Variants in ITPR2 observed in about 807,000 individuals in gnomAD.
ITPR2 encodes the protein inositol 1,4,5-trisphosphate-gated calcium channel ITPR2.
Under a neutral mutation model 317.1 loss-of-function variants are expected in ITPR2, and 207 were observed. The ratio of observed to expected loss-of-function variants is 0.65; its 90% CI spans 0.58 to 0.73. The LOEUF (loss-of-function observed/expected upper bound fraction) is 0.73, where lower values mean the gene tolerates loss of function less well. Among genes scored for constraint, ITPR2 ranks in the 30% least tolerant of loss-of-function variants. The pLI is 0.00. For synonymous variants in ITPR2, 1,156 were observed against 1,149.1 expected, an observed-to-expected ratio of 1.01 and a Z score of -0.12; for missense variants, 2,613 against 3,284.0, an observed-to-expected ratio of 0.80 and a Z score of 4.99.
At chr12:26,612,856 T>C (rs532208138) in intron 26 of ITPR2, among the ~76,000 whole-genome samples, 100 of 152,332 alleles carry the variant, frequency 6.6e-4, no homozygotes, top group African/African-American at 2.4e-3. Context: ...AATCGCTTAT[T>C]CTTGAACTTT....
At chr12:26,449,418 G>A (rs1363746126) in intron 45 of ITPR2, among the ~76,000 whole-genome samples, 1 of 152,154 alleles carries the variant, frequency 6.6e-6, no homozygotes, top group African/African-American at 2.4e-5. Context: ...CTCTGATTCT[G>A]TGACCCTGCA....
At chr12:26,598,130 T>C (rs912972893) in intron 30 of ITPR2, among the ~76,000 whole-genome samples, 2 of 152,200 alleles carry the variant, frequency 1.3e-5, no homozygotes, top group African/African-American at 4.8e-5. Context: ...TAACACAAAA[T>C]CCTTTAGTTC....
chr12:26,627,990 G>A, intron 23 of ITPR2, 43 bp downstream of exon 23: 1 of 1,527,652 alleles, frequency 6.5e-7, no homozygotes, highest in Non-Finnish European at 8.8e-7. Flanking sequence ...CAAGTTCTCA[G>A]AAAAATAAAA....
intron 32 of ITPR2, among the ~76,000 whole-genome samples, chr12:26,589,591 A>G (rs1202894086): frequency 6.6e-6 from 1 of 151,156 alleles, no homozygotes; most frequent in African/African-American, 2.4e-5. Context: ...GTTCGAGACC[A>G]GGGTGGCCAA....
chr12:26,669,726 G>T (rs547700373), intron 13 of ITPR2, among the ~76,000 whole-genome samples: 2 of 152,248 alleles, frequency 1.3e-5, no homozygotes, highest in Non-Finnish European at 2.9e-5. Flanking sequence ...CACCATGCGC[G>T]AGCCGAAGCA....
At chr12:26,812,286 A>C (rs1325617695) in intron 1 of ITPR2, among the ~76,000 whole-genome samples, 1 of 152,188 alleles carries the variant, frequency 6.6e-6, no homozygotes, top group Non-Finnish European at 1.5e-5. Context: ...TTTTAAAAAA[A>C]ACCTAATACG....
chr12:26,476,000 C>T lies in ITPR2; in HGVS notation c.6220-582G>A, dbSNP rs181300513. ...CAGAGGAACTAGTATTTTCAAAGGG[C>T]TATTGCACAGTGCCATTGTTGAATA... On this transcript the variant is annotated intron_variant, in intron 44 of 56. Transcript: ENST00000381340. Among the ~76,000 whole-genome samples the T allele has an allele frequency of 2.7e-3, 418 of 152,308 alleles. 1 individual carries two copies. The highest frequency in any genetic ancestry group is 3.7e-3 in the Non-Finnish European group (249 of 68,016).
intron 26 of ITPR2, among the ~76,000 whole-genome samples, chr12:26,607,329 A>G (rs1591955774): frequency 6.6e-6 from 1 of 152,186 alleles, no homozygotes; most frequent in African/African-American, 2.4e-5. Flanking sequence ...AATTTTAATA[A>G]CCGGTCTTTT....
At chr12:26,730,847 G>A (rs766647002) in intron 2 of ITPR2, among the ~76,000 whole-genome samples, 7 of 152,190 alleles carry the variant, frequency 4.6e-5, no homozygotes, top group African/African-American at 1.2e-4. Flanking sequence ...TATGGAGCAC[G>A]TAACCCACAG....
At chr12:26,807,514 A>T (rs1003126096) in intron 1 of ITPR2, among the ~76,000 whole-genome samples, 1 of 152,222 alleles carries the variant, frequency 6.6e-6, no homozygotes, top group Non-Finnish European at 1.5e-5. Context: ...ACAATGTCAT[A>T]TGTGGGGAAT....
chr12:26,416,005 C>G (rs905702410), intron 50 of ITPR2, among the ~76,000 whole-genome samples: 1 of 152,052 alleles, frequency 6.6e-6, no homozygotes, highest in Admixed American at 6.6e-5. Flanking sequence ...ATTGTAAGAA[C>G]AGTTTCATGA....
intron 8 of ITPR2, 146 bp downstream of exon 8, chr12:26,715,153 A>C: frequency 3.0e-6 from 2 of 664,326 alleles, no homozygotes; most frequent in Non-Finnish European, 4.9e-6. Flanking sequence ...TGGTCACAGC[A>C]ATGAATAGGC....
At chr12:26,430,008 C>T (rs1189706946) in intron 48 of ITPR2, among the ~76,000 whole-genome samples, 1 of 152,150 alleles carries the variant, frequency 6.6e-6, no homozygotes, top group Admixed American at 6.6e-5. Flanking sequence ...TGAGATATCC[C>T]CTTGATCAAA....
At chr12:26,657,553 A>T (rs1241428840) in intron 18 of ITPR2, among the ~76,000 whole-genome samples, 154 bp downstream of exon 18, 7 of 152,256 alleles carry the variant, frequency 4.6e-5, no homozygotes. Context: ...TATTTTGAAT[A>T]TTTTAAACAA....
rs1210726972 is a variant in ITPR2, at chr12:26,487,944, T to C, written c.5371-693A>G. ...TCCACCTTAAAATAAATATAGTCAATAATGATGTAGAAATGGTTCAGAAAC... is the reference window on the plus strand; with the variant it reads ...TCCACCTTAAAATAAATATAGTCAACAATGATGTAGAAATGGTTCAGAAAC... On this transcript the variant is annotated intron_variant, in intron 39 of 56. Transcript: ENST00000381340. Among the ~76,000 whole-genome samples, 3 of 152,096 alleles carry C rather than the reference T, an allele frequency of 2.0e-5. No homozygotes were observed. The South Asian group carries it at 6.2e-4, about 32-fold the overall frequency.
intron 48 of ITPR2, among the ~76,000 whole-genome samples, chr12:26,434,380 T>C (rs2136715769): frequency 6.6e-6 from 1 of 152,278 alleles, no homozygotes; most frequent in Non-Finnish European, 1.5e-5. Flanking sequence ...TTATTATCAG[T>C]ATTACTATTA....
chr12:26,508,508 T>C (rs974774237), intron 37 of ITPR2, among the ~76,000 whole-genome samples: 4 of 152,210 alleles, frequency 2.6e-5, no homozygotes, highest in African/African-American at 9.6e-5. Context: ...CATAGGCCCC[T>C]ACATTAAAAT....
chr12:26,550,408 T>C, intron 36 of ITPR2, 53 bp from the exon 37 acceptor site: 4 of 792,254 alleles, frequency 5.0e-6, no homozygotes. Flanking sequence ...CTTCAAGCTA[T>C]ATACAAACAT....
At chr12:26,584,653 T>C (rs1004412288) in intron 32 of ITPR2, among the ~76,000 whole-genome samples, 1 of 152,180 alleles carries the variant, frequency 6.6e-6, no homozygotes, top group African/African-American at 2.4e-5. Flanking sequence ...ATGGTAGCCA[T>C]TAGACACAGG....
Sources: allele counts gnomAD v4.1 joint callset (sites outside exome capture counted in the v4.1 genomes callset), GRCh38; gene constraint gnomAD v4.1.1; transcripts MANE v1.5; gene names NCBI Gene and HGNC (gene_info 2026-07-23, HGNC 2026-07-21).